Variants in GALNT13 observed in about 807,000 individuals in gnomAD.
The protein encoded by GALNT13 is UDP-GalNAc:polypeptide N-acetylgalactosaminyltransferase 13.
A neutral mutation model predicts 64.2 loss-of-function variants in GALNT13; 28 were observed. The ratio of observed to expected loss-of-function variants is 0.44; its 90% CI spans 0.32 to 0.60. The LOEUF (loss-of-function observed/expected upper bound fraction) is 0.60, where lower values mean the gene tolerates loss of function less well. Among genes scored for constraint, GALNT13 ranks in the 20% least tolerant of loss-of-function variants. The probability of loss-of-function intolerance (pLI) is 0.05; values close to 1 mark genes in which losing one functional copy is unlikely to be tolerated. For missense variants in GALNT13, 577 were observed against 669.8 expected (o/e 0.86, Z 1.53); for synonymous variants, 214 against 224.6 (o/e 0.95, Z 0.42).
chr2:153,482,081 C>T, the GALNT13 span, among the ~76,000 whole-genome samples: 2 of 152,064 alleles, frequency 1.3e-5, no homozygotes, highest in Non-Finnish European at 2.9e-5. Context: ...AAATAAATGT[C>T]GTAAAAGCTA....
At chr2:154,345,822 A>G (rs1356369624) in intron 9 of GALNT13, among the ~76,000 whole-genome samples, 12 of 152,078 alleles carry the variant, frequency 7.9e-5, no homozygotes, top group African/African-American at 2.7e-4. Context: ...TTTCCAGACA[A>G]TGGTCTCATT....
the GALNT13 span, among the ~76,000 whole-genome samples, chr2:153,546,917 T>C: frequency 6.6e-6 from 1 of 152,230 alleles, no homozygotes; most frequent in African/African-American, 2.4e-5. Flanking sequence ...TTCTGAGAGA[T>C]GAGATTATAT....
At chr2:153,450,311 T>C in the GALNT13 span, among the ~76,000 whole-genome samples, 1 of 152,198 alleles carries the variant, frequency 6.6e-6, no homozygotes, top group Non-Finnish European at 1.5e-5. Flanking sequence ...CTTTTTATTT[T>C]CACTCATATT....
chr2:153,806,190 A>T, the GALNT13 span, among the ~76,000 whole-genome samples: 2 of 152,128 alleles, frequency 1.3e-5, no homozygotes, highest in Non-Finnish European at 2.9e-5. Context: ...ACATCTTGTT[A>T]TACCAATTGG....
chr2:153,325,116 T>TG, the GALNT13 span, among the ~76,000 whole-genome samples: 1 of 8,916 alleles, frequency 1.1e-4, no homozygotes, highest in Admixed American at 6.2e-4. Context: ...GGACCTGGGT[T>TG]TTTTTTTTTT....
chr2:153,878,195 T>C (rs1481503778), intron 1 of GALNT13, among the ~76,000 whole-genome samples: 3 of 152,188 alleles, frequency 2.0e-5, no homozygotes, highest in Admixed American at 6.5e-5. Context: ...CCAAATAACA[T>C]GGAAGAACTG....
At chr2:154,383,004 G>GC (rs1258152736) in intron 9 of GALNT13, among the ~76,000 whole-genome samples, 2 of 151,814 alleles carry the variant, frequency 1.3e-5, no homozygotes, top group Admixed American at 1.3e-4. Context: ...AAATCCACGG[G>GC]CCAAGACCTT....
At chr2:153,541,567 C>G in the GALNT13 span, among the ~76,000 whole-genome samples, 5 of 152,172 alleles carry the variant, frequency 3.3e-5, no homozygotes, top group African/African-American at 1.2e-4. Context: ...TTACTCTAAC[C>G]TTCTCCCCTG....
At chr2:153,553,592 T>A in the GALNT13 span, among the ~76,000 whole-genome samples, 24 of 152,306 alleles carry the variant, frequency 1.6e-4, no homozygotes, top group Non-Finnish European at 2.8e-4. Context: ...AGAAATATGA[T>A]AAGAATGTTT....
At chr2:153,667,549 T>C in the GALNT13 span, among the ~76,000 whole-genome samples, 1 of 152,142 alleles carries the variant, frequency 6.6e-6, no homozygotes, top group Non-Finnish European at 1.5e-5. Context: ...TAAGGAGAAA[T>C]AGGATCCTTT....
chr2:154,145,585 A>G (rs1407398358), intron 4 of GALNT13, among the ~76,000 whole-genome samples: 4 of 152,000 alleles, frequency 2.6e-5, no homozygotes, highest in Non-Finnish European at 5.9e-5. Flanking sequence ...AATTGAGAAA[A>G]TAGGAAATTT....
At chr2:153,127,898 G>C in the GALNT13 span, among the ~76,000 whole-genome samples, 1 of 152,104 alleles carries the variant, frequency 6.6e-6, no homozygotes, top group African/African-American at 2.4e-5. Context: ...AATAACATTT[G>C]CTGAGTATTT....
At chr2:153,167,671 G>C in the GALNT13 span, among the ~76,000 whole-genome samples, 1 of 152,162 alleles carries the variant, frequency 6.6e-6, no homozygotes. Context: ...GTCTGGAGTT[G>C]AATGTTCTTG....
the GALNT13 span, among the ~76,000 whole-genome samples, chr2:153,193,146 A>G: frequency 6.6e-6 from 1 of 152,032 alleles, no homozygotes; most frequent in South Asian, 2.1e-4. Context: ...AGACACATGC[A>G]CACGTATATT....
At chr2:153,492,359 C>G in the GALNT13 span, among the ~76,000 whole-genome samples, 1 of 152,192 alleles carries the variant, frequency 6.6e-6, no homozygotes, top group South Asian at 2.1e-4. Context: ...GTGTATCTGA[C>G]AGACATGAGA....
the GALNT13 span, among the ~76,000 whole-genome samples, chr2:153,088,109 T>A: frequency 6.6e-6 from 1 of 152,160 alleles, no homozygotes; most frequent in African/African-American, 2.4e-5. Flanking sequence ...TTTAATCCTA[T>A]GAACTTTCTT....
chr2:153,221,925 C>T, the GALNT13 span, among the ~76,000 whole-genome samples: 1 of 152,342 alleles, frequency 6.6e-6, no homozygotes, highest in South Asian at 2.1e-4. Flanking sequence ...GAAGTTGTCA[C>T]AGCCCTGTCT....
At chr2:153,786,810 A>C in the GALNT13 span, among the ~76,000 whole-genome samples, 1 of 152,062 alleles carries the variant, frequency 6.6e-6, no homozygotes, top group Non-Finnish European at 1.5e-5. Context: ...TCAGACTAAC[A>C]AAGGAGCAAA....
the GALNT13 span, among the ~76,000 whole-genome samples, chr2:153,544,062 A>T: frequency 6.6e-6 from 1 of 152,216 alleles, no homozygotes; most frequent in Non-Finnish European, 1.5e-5. Flanking sequence ...CCTGTGCTCC[A>T]CATAAATATT....
Sources: allele counts gnomAD v4.1 joint callset (sites outside exome capture counted in the v4.1 genomes callset), GRCh38; gene constraint gnomAD v4.1.1; transcripts MANE v1.5; gene names NCBI Gene and HGNC (gene_info 2026-07-23, HGNC 2026-07-21).